The following MSRA variants were observed in gnomAD, a reference collection of about 807,000 sequenced individuals.
MSRA encodes methionine sulfoxide reductase A.
In MSRA, 54 loss-of-function variants were observed where a neutral mutation model predicts 31.3. That is an observed-to-expected ratio of 1.73 (90% confidence interval 1.39 to 2.17). The LOEUF is 2.17. MSRA is among the 30% of genes most tolerant of loss of function. The pLI is 0.00. For missense variants in MSRA, 507 were observed against 300.9 expected (o/e 1.69, Z -5.07); for synonymous variants, 169 against 116.5 (o/e 1.45, Z -2.90).
At chr8:10,400,403 A>C (rs528656113) in intron 5 of MSRA, among the ~76,000 whole-genome samples, 10 of 97,010 alleles carry the variant, frequency 1.0e-4, no homozygotes, top group African/African-American at 3.1e-4. Flanking sequence ...GTGTGTAGGG[A>C]AAGATACACG....
intron 1 of MSRA, among the ~76,000 whole-genome samples, chr8:10,089,317 AACCTAACAATT>A (rs1187376733): frequency 2.0e-5 from 3 of 152,214 alleles, no homozygotes; most frequent in Non-Finnish European, 4.4e-5. Context: ...CAAAAGAACA[AACCTAACAATT>A]GCCTCCTTTT....
intron 3 of MSRA, among the ~76,000 whole-genome samples, chr8:10,296,043 C>A (rs990089070): frequency 2.6e-5 from 4 of 152,136 alleles, no homozygotes; most frequent in African/African-American, 9.7e-5. Context: ...TGGGTAATCG[C>A]TTTGAGAAAT....
Position 10,207,828 on chromosome 8 carries a change from T to A in MSRA, c.143-5T>A. On this transcript the variant is annotated splice_region_variant and splice_polypyrimidine_tract_variant and intron_variant, in intron 1 of 5. Coordinates refer to ENST00000317173, the MANE Select transcript of MSRA (RefSeq NM_012331.5). ...AAACTTGCATTTCTTTTTTTTTTTT[T>A]CTAGCCAAACATCATGTCAATGGCA... 1 of 1,604,116 alleles carries A rather than the reference T, an allele frequency of 6.2e-7. No homozygotes were observed. The highest frequency in any genetic ancestry group is 8.5e-7 in the Non-Finnish European group (1 of 1,176,374).
chr8:10,312,554 T>C (rs905404529), intron 4 of MSRA, among the ~76,000 whole-genome samples: 1 of 152,248 alleles, frequency 6.6e-6, no homozygotes, highest in Admixed American at 6.5e-5. Context: ...GTCCATCTTA[T>C]GATCCTTGCA....
At chr8:10,105,295 A>T (rs1799809354) in intron 1 of MSRA, among the ~76,000 whole-genome samples, 2 of 152,182 alleles carry the variant, frequency 1.3e-5, no homozygotes, top group Non-Finnish European at 2.9e-5. Context: ...AAGTGATTTT[A>T]GTAATAATAC....
At chr8:10,316,484 G>A (rs953545442) in intron 4 of MSRA, among the ~76,000 whole-genome samples, 16 of 144,110 alleles carry the variant, frequency 1.1e-4, no homozygotes, top group Admixed American at 1.0e-3. Context: ...CACAGTGCCT[G>A]GACATAGTGA....
intron 4 of MSRA, among the ~76,000 whole-genome samples, chr8:10,314,827 A>T (rs922335357): frequency 6.6e-6 from 1 of 152,246 alleles, no homozygotes; most frequent in Non-Finnish European, 1.5e-5. Flanking sequence ...GGACCTCATG[A>T]TCATAATTGT....
At chr8:10,155,632 G>A (rs1262422019) in intron 1 of MSRA, among the ~76,000 whole-genome samples, 1 of 152,190 alleles carries the variant, frequency 6.6e-6, no homozygotes, top group Non-Finnish European at 1.5e-5. Context: ...CAAAAGCAAG[G>A]AAGTATGGAA....
intron 1 of MSRA, among the ~76,000 whole-genome samples, chr8:10,126,552 GC>G (rs1314064887): frequency 2.6e-5 from 4 of 151,974 alleles, no homozygotes; most frequent in Non-Finnish European, 4.4e-5. Flanking sequence ...GTCTTCTGTC[GC>G]CCAGGCTAGA....
intron 3 of MSRA, among the ~76,000 whole-genome samples, chr8:10,277,267 G>A (rs1799368890): frequency 6.6e-6 from 1 of 152,140 alleles, no homozygotes; most frequent in Admixed American, 6.6e-5. Flanking sequence ...TACATGTCCA[G>A]GTATTTTTCT....
At chr8:10,114,871 A>G (rs1265661857) in intron 1 of MSRA, among the ~76,000 whole-genome samples, 1 of 152,256 alleles carries the variant, frequency 6.6e-6, no homozygotes, top group Admixed American at 6.5e-5. Flanking sequence ...AAATTTGTGA[A>G]GGATTTGCTA....
chr8:10,130,249 G>T (rs1585214950), intron 1 of MSRA, among the ~76,000 whole-genome samples: 1 of 152,166 alleles, frequency 6.6e-6, no homozygotes, highest in Non-Finnish European at 1.5e-5. Flanking sequence ...ACATTTCTCA[G>T]CAACTTTGTG....
At chr8:10,304,052 C>T (rs182012660) in intron 4 of MSRA, among the ~76,000 whole-genome samples, 1 of 152,370 alleles carries the variant, frequency 6.6e-6, no homozygotes, top group African/African-American at 2.4e-5. Context: ...TCCCCTGCCT[C>T]AGCCTCCTGA....
At chr8:10,060,002 T>C (rs903105378) in intron 1 of MSRA, among the ~76,000 whole-genome samples, 9 of 152,190 alleles carry the variant, frequency 5.9e-5, no homozygotes, top group African/African-American at 2.4e-5. Context: ...CTCTTGTACA[T>C]GGCTGGCAAG....
chr8:10,183,547 G>T (rs1806734548), intron 1 of MSRA, among the ~76,000 whole-genome samples: 1 of 152,090 alleles, frequency 6.6e-6, no homozygotes, highest in Non-Finnish European at 1.5e-5. Context: ...GGCGGTCAAG[G>T]CAAAAATGGT....
At chr8:10,271,810 C>T (rs1799056927) in intron 3 of MSRA, among the ~76,000 whole-genome samples, 3 of 151,608 alleles carry the variant, frequency 2.0e-5, no homozygotes, top group African/African-American at 7.3e-5. Flanking sequence ...CCTCGGCCTC[C>T]TGGGTTCAAG....
At chr8:10,406,673 A>G (rs1264298673) in intron 5 of MSRA, among the ~76,000 whole-genome samples, 1 of 152,162 alleles carries the variant, frequency 6.6e-6, no homozygotes, top group African/African-American at 2.4e-5. Flanking sequence ...ACTTTCAAAC[A>G]CAAAAGGTGG....
intron 1 of MSRA, among the ~76,000 whole-genome samples, chr8:10,082,507 A>G (rs1036922476): frequency 6.6e-6 from 1 of 152,082 alleles, no homozygotes; most frequent in African/African-American, 2.4e-5. Flanking sequence ...CAGATGGAGC[A>G]CTTCTTTTTG....
At chr8:10,264,942 C>G (rs1430222419) in intron 3 of MSRA, among the ~76,000 whole-genome samples, 2 of 152,152 alleles carry the variant, frequency 1.3e-5, no homozygotes, top group Non-Finnish European at 2.9e-5. Context: ...ACCCATCTCT[C>G]AGTATGTGCA....
Sources: gnomAD v4.1 joint callset for allele counts (sites outside exome capture counted in the v4.1 genomes callset) on GRCh38, gnomAD v4.1.1 for gene constraint, MANE v1.5 for transcripts, NCBI Gene and HGNC (gene_info 2026-07-23, HGNC 2026-07-21) for gene names.